The following AP2A1 variants were observed in gnomAD, a reference collection of about 807,000 sequenced individuals.
The protein encoded by AP2A1 is adaptor related protein complex 2 subunit alpha 1.
Under a neutral mutation model 107.3 loss-of-function variants are expected in AP2A1, and 21 were observed. The ratio of observed to expected loss-of-function variants is 0.20; its 90% CI spans 0.14 to 0.28. The LOEUF (loss-of-function observed/expected upper bound fraction) is 0.28, where lower values mean the gene tolerates loss of function less well. AP2A1 is among the 10% of genes least tolerant of loss of function. The pLI, the probability that AP2A1 is intolerant of heterozygous loss-of-function variation, is 1.00. For missense variants in AP2A1, 873 were observed against 1,307.7 expected, an observed-to-expected ratio of 0.67 and a Z score of 5.13; for synonymous variants, 602 against 564.8, an observed-to-expected ratio of 1.07 and a Z score of -0.93.
Position 49,767,293 on chromosome 19 carries a change from A to G in AP2A1, c.67+93A>G, listed in dbSNP as rs1257891792. 5.3e-6 allele frequency: 8 copies of G among 1,497,842 alleles called. No individual in the cohort carries two copies. The South Asian group carries it at 5.8e-5, about 11-fold the overall frequency. The allele number at this position is 1,497,842 out of a possible 1,614,324, so 92.8% of individuals were successfully genotyped here. ...GATCACAGAGGGACCCGGGGGATCA[A>G]AAGCCTCTGCGGCCGTATAGGGACA... is the stretch of plus-strand genomic sequence containing the variant. On this transcript the variant is annotated intron_variant, in intron 1 of 22. Transcript: ENST00000354293.
At chr19:49,795,103 C>T (rs2073195625) in intron 6 of AP2A1, among the ~76,000 whole-genome samples, 1 of 152,222 alleles carries the variant, frequency 6.6e-6, no homozygotes, top group Admixed American at 6.5e-5. Flanking sequence ...AGGGGGACTA[C>T]AGGAAACAGC....
chr19:49,769,466 C>G (rs1433758166), intron 1 of AP2A1, among the ~76,000 whole-genome samples: 3 of 152,024 alleles, frequency 2.0e-5, no homozygotes, highest in Non-Finnish European at 4.4e-5. Context: ...GTGGAGCAAG[C>G]CCTGTGGATT....
chr19:49,805,442 C>G lies in AP2A1; in HGVS notation c.2345-11C>G, dbSNP rs1449122805. The G allele has an allele frequency of 6.5e-7, 1 of 1,529,900 alleles. No individual in the cohort carries two copies. Among genetic ancestry groups the G allele is most frequent in the Non-Finnish European group, 8.8e-7 (1 of 1,132,668 alleles). 94.8% of individuals were successfully genotyped at this position (1,529,900 alleles called of 1,614,324 possible). ...CTCCTCTGTCTGGCTTCCTTGACTC[C>G]TGGCGGGCACAGCTGGCTGTGCAGA... On this transcript the variant is annotated splice_polypyrimidine_tract_variant and intron_variant, in intron 18 of 22. Coordinates refer to ENST00000354293, the MANE Select transcript of AP2A1 (RefSeq NM_130787.3).
chr19:49,805,455 C>A lies in AP2A1; in HGVS notation c.2347C>A (p.Leu783Met). Residue 783 changes from leucine (L) to methionine (M), a missense_variant and splice_region_variant, in exon 19 of 23, where the codon CTG (leucine) becomes ATG (methionine). Transcript: ENST00000354293. ...VVHPGDLQTQ[L>M]AVQTKRVAAQ... ...CTTCCTTGACTCCTGGCGGGCACAG[C>A]TGGCTGTGCAGACCAAGCGCGTGGC... 1 of 1,536,336 alleles carries A rather than the reference C, an allele frequency of 6.5e-7. No individual in the cohort carries two copies.
intron 6 of AP2A1, among the ~76,000 whole-genome samples, chr19:49,793,486 T>C (rs906674214): frequency 3.3e-5 from 5 of 152,104 alleles, no homozygotes; most frequent in African/African-American, 1.2e-4. Flanking sequence ...CCTCTCTCTT[T>C]CCTGTGCAGC....
At position 49,802,213 on chromosome 19, in the gene AP2A1, G is replaced by A. The variant is rs1378619986; in HGVS notation, c.2114+72G>A. On this transcript the variant is annotated intron_variant, in intron 15 of 22. Coordinates refer to ENST00000354293, the MANE Select transcript of AP2A1 (RefSeq NM_130787.3). ...CTGTCCCTTCTCGGCCTCTGTCCCCGTTTTCCCTGAGCCCCTCCCCCGCCC... is the reference window on the plus strand; with the variant it reads ...CTGTCCCTTCTCGGCCTCTGTCCCCATTTTCCCTGAGCCCCTCCCCCGCCC... The A allele has an allele frequency of 5.4e-6, 7 of 1,288,872 alleles. No individual in the cohort carries two copies. The East Asian group carries it at 7.6e-5, about 14-fold the overall frequency. 79.8% of individuals were successfully genotyped at this position (1,288,872 alleles called of 1,614,324 possible).
At chr19:49,782,125 C>G (rs766753939) in intron 3 of AP2A1, 36 bp downstream of exon 3, 28 of 1,369,118 alleles carry the variant, frequency 2.0e-5, no homozygotes, top group African/African-American at 3.1e-5. Context: ...GGCCTGGACT[C>G]CTGGGTCTGC....
intron 1 of AP2A1, among the ~76,000 whole-genome samples, chr19:49,771,553 C>T (rs1388586992): frequency 6.6e-6 from 1 of 151,530 alleles, no homozygotes; most frequent in African/African-American, 2.4e-5. Context: ...GGATTATAGG[C>T]GCCCGCCACT....
At chr19:49,780,430 G>GA (rs1200499662) in intron 1 of AP2A1, among the ~76,000 whole-genome samples, 3 of 152,216 alleles carry the variant, frequency 2.0e-5, no homozygotes, top group African/African-American at 7.2e-5. Flanking sequence ...AGGCCCTTGA[G>GA]GCAAGAGGAT....
Position 49,805,467 on chromosome 19 carries a change from A to C in AP2A1, c.2359A>C (p.Thr787Pro), listed in dbSNP as rs1251868747. 1 of 1,548,344 alleles carries C rather than the reference A, an allele frequency of 6.5e-7. No homozygotes were observed. The highest frequency in any genetic ancestry group is 8.7e-7 in the Non-Finnish European group (1 of 1,145,550). The change falls in exon 19 of 23, where the codon ACC becomes CCC. Residue 787 changes from threonine to proline, a missense_variant. This residue lies in a region of AP2A1 where 416 missense variants were observed against 473.4 expected (regional missense o/e 0.88). Transcript: ENST00000354293. ...CTGGCGGGCACAGCTGGCTGTGCAG[A>C]CCAAGCGCGTGGCGGCGCAGGTGGA... is the stretch of plus-strand genomic sequence containing the variant. ...GDLQTQLAVQ[T>P]KRVAAQVDGG...
intron 1 of AP2A1, among the ~76,000 whole-genome samples, chr19:49,780,122 C>G (rs1273646): frequency 0.93 from 141,565 of 152,322 alleles, 65,925 homozygotes; most frequent in East Asian, 1. Flanking sequence ...CTGCCCCTTC[C>G]ATAACTAGAC....
At position 49,800,808 on chromosome 19, in the gene AP2A1, G is replaced by A. The variant is rs190935369; in HGVS notation, c.1456-153G>A. The A allele has an allele frequency of 1.3e-3, 774 of 593,462 alleles. 5 individuals carry two copies. Among genetic ancestry groups the A allele is most frequent in the African/African-American group, 7.2e-3 (379 of 52,954 alleles). The allele number at this position is 593,462 out of a possible 1,614,324, so 36.8% of individuals were successfully genotyped here. On this transcript the variant is annotated intron_variant, in intron 11 of 22. Transcript: ENST00000354293. Reference sequence around the variant, plus strand: ...TTACTTCCTGTGTGAGCTTGGGCCCGTCACTCAACCTTTCTGTGACTCAGT... The same window carrying A: ...TTACTTCCTGTGTGAGCTTGGGCCCATCACTCAACCTTTCTGTGACTCAGT...
Position 49,791,945 on chromosome 19 carries a change from G to C in AP2A1, c.484G>C (p.Asp162His). ...ATGGTGTCCCCACAGGGACAGCATG[G>C]ACAGTGTCAAGCAGAGTGCGGCCCT... ...PRILVAGDSM[D>H]SVKQSAALCL... The change falls in exon 5 of 23, where the codon GAC becomes CAC. Residue 162 changes from aspartate (D) to histidine (H), a missense_variant. Physicochemically the swap from Asp to His is moderately conservative, Grantham distance 81. Around this residue, in one of 4 missense-constraint regions of AP2A1, gnomAD observed 157 missense variants for 212.6 expected, o/e 0.74. Transcript: ENST00000354293. The C allele has an allele frequency of 6.2e-7, 1 of 1,609,410 alleles. No individual in the cohort carries two copies. The highest frequency in any genetic ancestry group is 8.5e-7 in the Non-Finnish European group (1 of 1,178,636).
In AP2A1 at chr19:49,772,257, T is replaced by TG. The variant is rs1480855704; in HGVS notation, c.67+5057_67+5058insG. Among the ~76,000 whole-genome samples the TG allele has an allele frequency of 4.4e-3, 536 of 122,222 alleles. 3 individuals carry two copies. The highest frequency in any genetic ancestry group is 0.017 in the East Asian group (67 of 3,920). 80.2% of individuals were successfully genotyped at this position (122,222 alleles called of 152,430 possible). Reference sequence around the variant, plus strand: ...GTATTTTTCATAGAGTTTTTTTTTTTTTTTTTTTTTTTTTTTTTTTGAGAT... The same window carrying TG: ...GTATTTTTCATAGAGTTTTTTTTTTTGTTTTTTTTTTTTTTTTTTTTGAGAT... On this transcript the variant is annotated intron_variant, in intron 1 of 22. Transcript: ENST00000354293.
In AP2A1 at chr19:49,787,347, G is replaced by GTTTTTT. The variant is rs199550216; in HGVS notation, c.474-4587_474-4582dup. ...TAGGCTTTTTTTGTTTGTTTTTTTT[G>GTTTTTT]TTTTTTGTTTTTTTTTTTTTGAGGC... On this transcript the variant is annotated intron_variant, in intron 4 of 22. Transcript: ENST00000354293. 5.2e-5 allele frequency among the ~76,000 whole-genome samples: 5 copies of GTTTTTT among 96,186 alleles called. 1 individual carries two copies. Among genetic ancestry groups the GTTTTTT allele is most frequent in the African/African-American group, 1.3e-4 (3 of 22,476 alleles). 63.1% of individuals were successfully genotyped at this position (96,186 alleles called of 152,430 possible). A position where few individuals can be genotyped will look rare whatever the true frequency, so the allele number is the denominator to read the frequency against.
intron 1 of AP2A1, among the ~76,000 whole-genome samples, chr19:49,767,481 G>T (rs566431596): frequency 6.6e-6 from 1 of 152,126 alleles, no homozygotes; most frequent in Non-Finnish European, 1.5e-5. Context: ...GCATAGAGGT[G>T]TCCCCTGGGA....
intron 6 of AP2A1, among the ~76,000 whole-genome samples, chr19:49,794,145 C>T (rs1301425267): frequency 6.6e-6 from 1 of 151,752 alleles, no homozygotes; most frequent in Admixed American, 6.6e-5. Context: ...CGTGATCCAC[C>T]CGCCTCGGCC....
At chr19:49,793,127 GC>G in intron 6 of AP2A1, 35 bp downstream of exon 6, 1 of 1,553,134 alleles carries the variant, frequency 6.4e-7, no homozygotes. Flanking sequence ...GCTGGAGGTG[GC>G]CCTGGCATCC....
In AP2A1 at chr19:49,799,737, A is replaced by G. The variant is rs1383068537; in HGVS notation, c.1243A>G (p.Thr415Ala). The G allele has an allele frequency of 2.2e-5, 35 of 1,613,326 alleles. No homozygotes were observed. The highest frequency in any genetic ancestry group is 2.8e-5 in the Non-Finnish European group (33 of 1,179,866). ...IVSEMLRYLE[T>A]ADYAIREEIV... ...GTCGGAGATGCTGCGGTACCTGGAG[A>G]CGGCAGACTACGCCATCCGCGAGGA... The change falls in exon 10 of 23, where the codon ACG (threonine) becomes GCG (alanine). Residue 415 changes from threonine (T) to alanine (A), a missense_variant. By Grantham distance (58) the Thr-to-Ala change is moderately conservative. This residue lies in a region of AP2A1 where 213 missense variants were observed against 443.5 expected (regional missense o/e 0.48). Coordinates refer to ENST00000354293, the MANE Select transcript of AP2A1 (RefSeq NM_130787.3).
Sources: allele counts gnomAD v4.1 joint callset (sites outside exome capture counted in the v4.1 genomes callset), GRCh38; gene constraint gnomAD v4.1.1; regional missense constraint gnomAD v4.1.1; transcripts MANE v1.5; gene names NCBI Gene and HGNC (gene_info 2026-07-23, HGNC 2026-07-21).